The following IFT140 variants were observed in gnomAD, a reference collection of about 807,000 sequenced individuals.
The protein encoded by IFT140 is intraflagellar transport 140.
IFT140 carries 133 observed loss-of-function variants against 164.6 expected under a neutral mutation model. The ratio of observed to expected loss-of-function variants is 0.81; its 90% CI spans 0.70 to 0.93. The LOEUF is 0.93. Ranked by LOEUF, IFT140 falls within the 40% of genes least tolerant of loss-of-function variation. The pLI is 0.00. For missense variants in IFT140, 2,045 were observed against 1,972.3 expected (o/e 1.04, Z -0.70); for synonymous variants, 860 against 817.3 (o/e 1.05, Z -0.89).
intron 12 of IFT140, among the ~76,000 whole-genome samples, chr16:1,581,550 C>T (rs896760954): frequency 6.6e-6 from 1 of 151,276 alleles, no homozygotes; most frequent in Non-Finnish European, 1.5e-5. Context: ...CAGTGAGCCG[C>T]CATCACACCA....
intron 19 of IFT140, among the ~76,000 whole-genome samples, chr16:1,545,814 C>T (rs1387401503): frequency 1.6e-4 from 24 of 152,228 alleles, no homozygotes; most frequent in Admixed American, 1.5e-3. Flanking sequence ...TTTGCTCTCG[C>T]TCCATGAATG....
Position 1,563,990 on chromosome 16 carries a change from A to G in IFT140, c.2067+7T>C. 1 of 1,561,568 alleles carries G rather than the reference A, an allele frequency of 6.4e-7. No individual in the cohort carries two copies. The highest frequency in any genetic ancestry group is 8.7e-7 in the Non-Finnish European group (1 of 1,145,212). ...GTCTAAACTCAAATACAACAGGCAG[A>G]GCGTACCGCAGGGCCAGCGCGCCCA... On this transcript the variant is annotated splice_region_variant and intron_variant, in intron 17 of 30. Coordinates refer to ENST00000426508, the MANE Select transcript of IFT140 (RefSeq NM_014714.4).
At chr16:1,606,764 A>G (rs2859310) in intron 3 of IFT140, among the ~76,000 whole-genome samples, 66,976 of 152,020 alleles carry the variant, frequency 0.44, 16,501 homozygotes, top group African/African-American at 0.67. Context: ...CTGGCCTCAT[A>G]GATGTCGTTT....
At chr16:1,518,764 G>A (rs147872524) in intron 29 of IFT140, among the ~76,000 whole-genome samples, 7 of 151,910 alleles carry the variant, frequency 4.6e-5, no homozygotes, top group African/African-American at 4.8e-5. Flanking sequence ...GAGGCTGCCC[G>A]CACACAGGCT....
At chr16:1,525,085 G>T in intron 22 of IFT140, 146 bp downstream of exon 22, 1 of 1,188,096 alleles carries the variant, frequency 8.4e-7, no homozygotes. Flanking sequence ...CCTGGCTCAG[G>T]GCCCTGGCAT....
rs184721812 is a variant in IFT140 at position 1,563,427 on chromosome 16, T to C, written c.2067+570A>G. ...GAGATTGCACCACTGCACTCCAACC[T>C]GGGCGACAGAGAGAGACTCAAAAAA... is the stretch of plus-strand genomic sequence containing the variant. On this transcript the variant is annotated intron_variant, in intron 17 of 30. Coordinates refer to ENST00000426508, the MANE Select transcript of IFT140 (RefSeq NM_014714.4). Among the ~76,000 whole-genome samples the C allele has an allele frequency of 7.2e-3, 1,085 of 150,542 alleles. 15 individuals carry two copies. Among genetic ancestry groups the C allele is most frequent in the African/African-American group, 0.025 (1,035 of 41,026 alleles).
intron 18 of IFT140, among the ~76,000 whole-genome samples, chr16:1,559,838 T>G (rs536606101): frequency 2.0e-5 from 3 of 152,342 alleles, no homozygotes; most frequent in Non-Finnish European, 4.4e-5. Flanking sequence ...GAAAAGGATC[T>G]CAGGAAAACA....
At chr16:1,560,486 G>A (rs2033345005) in intron 18 of IFT140, among the ~76,000 whole-genome samples, 1 of 152,222 alleles carries the variant, frequency 6.6e-6, no homozygotes. Flanking sequence ...AAGTTAGGCA[G>A]TGCCCCACCC....
intron 4 of IFT140, among the ~76,000 whole-genome samples, chr16:1,595,583 C>CA (rs1259579810): frequency 1.4e-5 from 2 of 146,046 alleles, no homozygotes; most frequent in African/African-American, 5.1e-5. Context: ...GCCTGGGCGA[C>CA]AGAGTGAGAC....
At chr16:1,587,498 G>T (rs1002424035) in intron 8 of IFT140, among the ~76,000 whole-genome samples, 194 bp from the exon 9 acceptor site, 2 of 152,246 alleles carry the variant, frequency 1.3e-5, no homozygotes, top group African/African-American at 4.8e-5. Context: ...GAAAGCCGTT[G>T]CCGATAGATG....
rs922572675 is a variant in IFT140 at position 1,551,757 on chromosome 16, C to G, written c.2399+6178G>C. 6.6e-6 allele frequency among the ~76,000 whole-genome samples: 1 copy of G among 152,190 alleles called. No homozygotes were observed. Among genetic ancestry groups the G allele is most frequent in the Non-Finnish European group, 1.5e-5 (1 of 68,036 alleles). ...GGAGCTACCTATACAAAGGAGGCCA[C>G]ACCACACGTGCGTGGTCCGGCAGAT... On this transcript the variant is annotated intron_variant, in intron 19 of 30. Transcript: ENST00000426508. This position sits in a 1 kb window ranked among gnomAD's most constrained non-coding sequence, Gnocchi z 4.0.
chr16:1,607,097 G>T, intron 3 of IFT140, 23 bp downstream of exon 3: 1 of 1,611,378 alleles, frequency 6.2e-7, no homozygotes, highest in Non-Finnish European at 8.5e-7. Context: ...CCACAGTCAG[G>T]CTCCTTGCTT....
intron 4 of IFT140, among the ~76,000 whole-genome samples, chr16:1,596,339 GTTTT>G (rs1331863592): frequency 6.6e-6 from 1 of 152,030 alleles, no homozygotes; most frequent in Non-Finnish European, 1.5e-5. Context: ...GTTTTGCTTT[GTTTT>G]GTTTTGATTT....
chr16:1,585,152 G>A lies in IFT140; in HGVS notation c.1156-732C>T, dbSNP rs540593822. On this transcript the variant is annotated intron_variant, in intron 10 of 30. Transcript: ENST00000426508. ...CACAAAAACGTGTACACAAGTGTTC[G>A]TAACAGCATTATTCAAATGTCCATC... Among the ~76,000 whole-genome samples the A allele has an allele frequency of 5.9e-5, 9 of 152,314 alleles. No individual in the cohort carries two copies. The South Asian group carries it at 1.2e-3, about 21-fold the overall frequency.
rs901228147 is a variant in IFT140, at chr16:1,518,211, C to G, written c.4182+5G>C. The G allele has an allele frequency of 3.1e-6, 5 of 1,609,512 alleles. No individual in the cohort carries two copies. The highest frequency in any genetic ancestry group is 4.2e-6 in the Non-Finnish European group (5 of 1,178,552). On this transcript the variant is annotated splice_donor_5th_base_variant and intron_variant, in intron 30 of 30. Coordinates refer to ENST00000426508, the MANE Select transcript of IFT140 (RefSeq NM_014714.4). ...TGCTGCTAGTGAGCAGCACTCAGGC[C>G]TCACCGTCTGGTATTCCTCCTTCCG...
At chr16:1,535,928 G>A (rs1010552381) in intron 19 of IFT140, among the ~76,000 whole-genome samples, 4 of 152,254 alleles carry the variant, frequency 2.6e-5, no homozygotes, top group Non-Finnish European at 5.9e-5. Flanking sequence ...GCGTGACTCC[G>A]GCCAGGCGCC....
At chr16:1,554,908 G>A in intron 19 of IFT140, 1 of 1,614,238 alleles carries the variant, frequency 6.2e-7, no homozygotes, top group South Asian at 1.1e-5. Flanking sequence ...ATGCTCATCT[G>A]GAACATTCTC....
chr16:1,549,095 G>A (rs866324873), intron 19 of IFT140, among the ~76,000 whole-genome samples: 2 of 152,168 alleles, frequency 1.3e-5, no homozygotes, highest in Non-Finnish European at 2.9e-5. Flanking sequence ...GCCTAGGGCC[G>A]CGCAGGTTCA....
At position 1,528,370 on chromosome 16, in the gene IFT140, C is replaced by T. The variant is rs142180604; in HGVS notation, c.2400-1574G>A. Among the ~76,000 whole-genome samples the T allele has an allele frequency of 2.7e-3, 413 of 151,730 alleles. 10 individuals are homozygous for T. The East Asian group carries it at 0.061, about 22-fold the overall frequency. The stretch of plus-strand genomic sequence containing the variant: ...GCATGCACGCACGTGTGCACACACA[C>T]GCATGCACGCACGTGTGCACACACA... On this transcript the variant is annotated intron_variant, in intron 19 of 30. Transcript: ENST00000426508.
Sources: allele counts gnomAD v4.1 joint callset (sites outside exome capture counted in the v4.1 genomes callset), GRCh38; gene constraint gnomAD v4.1.1; non-coding constraint Gnocchi (gnomAD v3.1); transcripts MANE v1.5; gene names NCBI Gene and HGNC (gene_info 2026-07-23, HGNC 2026-07-21).